HAPLN1: variants seen among roughly 807,000 people sequenced by gnomAD.
HAPLN1 encodes the protein Cartilage link protein.
In HAPLN1, 13 loss-of-function variants were observed where a neutral mutation model predicts 36.5. The ratio of observed to expected loss-of-function variants is 0.36; its 90% CI spans 0.23 to 0.57. HAPLN1 has a LOEUF of 0.57. HAPLN1 is among the 20% of genes least tolerant of loss of function. The pLI is 0.83. For missense variants in HAPLN1, 407 were observed against 439.7 expected (o/e 0.93, Z 0.66); for synonymous variants, 202 against 169.8 (o/e 1.19, Z -1.48).
At chr5:83,688,678 GGAGAATGAGTATTT>G (rs1170699454) in intron 1 of HAPLN1, among the ~76,000 whole-genome samples, 2 of 85,772 alleles carry the variant, frequency 2.3e-5, no homozygotes, top group East Asian at 7.1e-4. Flanking sequence ...TTTTCACTTT[GGAGAATGAGTATTT>G]GAGGAAAGCT....
intron 2 of HAPLN1, among the ~76,000 whole-genome samples, chr5:83,668,362 AAAGG>A (rs1440345114): frequency 6.6e-6 from 1 of 152,194 alleles, no homozygotes; most frequent in Non-Finnish European, 1.5e-5. Context: ...GATTTGAAGT[AAAGG>A]AAGGGGTTAA....
At chr5:83,695,566 T>C (rs930234910) in intron 1 of HAPLN1, among the ~76,000 whole-genome samples, 1 of 147,810 alleles carries the variant, frequency 6.8e-6, no homozygotes, top group African/African-American at 2.5e-5. Context: ...ATTGAGATGT[T>C]TATATAAATA....
chr5:83,682,951 A>T (rs976603003), intron 1 of HAPLN1, among the ~76,000 whole-genome samples: 1 of 152,160 alleles, frequency 6.6e-6, no homozygotes, highest in Admixed American at 6.6e-5. Flanking sequence ...TCATTTAATC[A>T]ACTTTCTTTA....
intron 2 of HAPLN1, among the ~76,000 whole-genome samples, chr5:83,655,400 G>A (rs1163580265): frequency 6.6e-6 from 1 of 151,738 alleles, no homozygotes; most frequent in Non-Finnish European, 1.5e-5. Flanking sequence ...AGGATGACTT[G>A]TGTGGTATAA....
At chr5:83,680,293 C>A (rs1015442320) in intron 1 of HAPLN1, among the ~76,000 whole-genome samples, 8 of 146,676 alleles carry the variant, frequency 5.5e-5, no homozygotes, top group Non-Finnish European at 1.2e-4. Context: ...CCTATCTGAG[C>A]AAAAGCACAT....
At chr5:83,715,583 T>A (rs189035056) in intron 1 of HAPLN1, among the ~76,000 whole-genome samples, 3 of 152,326 alleles carry the variant, frequency 2.0e-5, no homozygotes, top group Non-Finnish European at 4.4e-5. Context: ...AAGCACTAAA[T>A]CATTCTTGCT....
intron 3 of HAPLN1, among the ~76,000 whole-genome samples, chr5:83,647,032 A>G (rs1749897441): frequency 6.6e-6 from 1 of 152,148 alleles, no homozygotes; most frequent in South Asian, 2.1e-4. Context: ...AATTTATACT[A>G]ATTTTAAAGA....
chr5:83,641,734 A>G lies in HAPLN1; in HGVS notation c.827T>C (p.Val276Ala). The change falls in exon 5 of 5, where the codon GTG becomes GCG. Residue 276 changes from valine to alanine, a missense_variant. Val to Ala is a moderately conservative substitution (Grantham distance 64). Coordinates refer to ENST00000274341, the MANE Select transcript of HAPLN1 (RefSeq NM_001884.4). ...AGCACCATCATTGAGACAAGCTTGC[A>G]CCGCTTCATCATAGGTCAGTTTGGT... ...HPTKLTYDEA[V>A]QACLNDGAQI... 2.5e-6 allele frequency: 4 copies of G among 1,614,174 alleles called. No homozygotes were observed. The highest frequency in any genetic ancestry group is 3.4e-6 in the Non-Finnish European group (4 of 1,180,022).
At chr5:83,649,729 G>A (rs1300596452) in intron 3 of HAPLN1, among the ~76,000 whole-genome samples, 1 of 152,134 alleles carries the variant, frequency 6.6e-6, no homozygotes. Context: ...GATTACAGGC[G>A]TGAACCACCA....
chr5:83,645,477 T>TTTTTTTTTTTTTTC, intron 3 of HAPLN1, among the ~76,000 whole-genome samples: 1 of 72,046 alleles, frequency 1.4e-5, no homozygotes, highest in South Asian at 5.4e-4. Flanking sequence ...TTTTCTTTCT[T>TTTTTTTTTTTTTTC]TTTTTTTTTT....
chr5:83,642,299 A>G lies in HAPLN1; in HGVS notation c.776-514T>C, dbSNP rs557370410. ...TCAATTAGACATTATTCTCATTCAA[A>G]GACTACGTATGAAAATGCGTAAAAT... On this transcript the variant is annotated intron_variant, in intron 4 of 4. Transcript: ENST00000274341. 5.9e-5 allele frequency among the ~76,000 whole-genome samples: 9 copies of G among 152,362 alleles called. No individual in the cohort carries two copies. In the South Asian group the frequency reaches 1.9e-3, roughly 32 times the overall value.
chr5:83,698,687 A>G (rs1383833159), intron 1 of HAPLN1, among the ~76,000 whole-genome samples: 2 of 152,194 alleles, frequency 1.3e-5, no homozygotes, highest in East Asian at 3.9e-4. Context: ...TACAAACACT[A>G]TGAGGCAAAT....
intron 1 of HAPLN1, among the ~76,000 whole-genome samples, chr5:83,705,403 AAAAAAAG>A: frequency 6.6e-6 from 1 of 151,460 alleles, no homozygotes; most frequent in Admixed American, 6.6e-5. Flanking sequence ...AAAAAAAAAA[AAAAAAAG>A]AAAGAAAGAA....
intron 1 of HAPLN1, among the ~76,000 whole-genome samples, chr5:83,687,031 AT>A (rs1432387901): frequency 6.6e-6 from 1 of 152,202 alleles, no homozygotes; most frequent in East Asian, 1.9e-4. Flanking sequence ...ATTTTGGAAT[AT>A]AAAACAAAAG....
At chr5:83,657,715 A>G (rs1750260638) in intron 2 of HAPLN1, among the ~76,000 whole-genome samples, 1 of 152,066 alleles carries the variant, frequency 6.6e-6, no homozygotes, top group African/African-American at 2.4e-5. Context: ...GGATGGTGCA[A>G]GCTAGCCAGG....
chr5:83,641,592 C>T lies in HAPLN1; in HGVS notation c.969G>A (p.Arg323=), dbSNP rs752051540. 1 of 1,614,064 alleles carries T rather than the reference C, an allele frequency of 6.2e-7. No individual in the cohort carries two copies. Among genetic ancestry groups the T allele is most frequent in the African/African-American group, 1.3e-5 (1 of 74,924 alleles). The change falls in exon 5 of 5, where the codon AGG becomes AGA. Residue 323 remains arginine, a synonymous_variant. Transcript: ENST00000274341. ...SVRYPISRPR[R]RCSPTEAAVR... is the part of the protein sequence containing the mutation. ...CTGCAGCCTCAGTAGGACTGCAGCG[C>T]CTTCTTGGCCTAGAGATGGGGTAGC...
At chr5:83,696,812 C>T (rs1428566517) in intron 1 of HAPLN1, among the ~76,000 whole-genome samples, 1 of 152,140 alleles carries the variant, frequency 6.6e-6, no homozygotes, top group African/African-American at 2.4e-5. Flanking sequence ...TCATCAGTCA[C>T]TTACATTTCT....
chr5:83,690,609 T>TTA (rs1751247011), intron 1 of HAPLN1, among the ~76,000 whole-genome samples: 1 of 152,042 alleles, frequency 6.6e-6, no homozygotes, highest in South Asian at 2.1e-4. Flanking sequence ...TAAATGGGTT[T>TTA]TATATATTTA....
rs1749604729 is a variant in HAPLN1, at chr5:83,639,072, A to G, written c.*2424T>C. The stretch of plus-strand genomic sequence containing the variant: ...GTACCAACTTTCTGTTAGGAATTGT[A>G]TTAGAATAACCTTTCTTTTTCAGAC... On this transcript the variant is annotated 3_prime_UTR_variant, in exon 5 of 5. Transcript: ENST00000274341. The G allele has an allele frequency of 6.6e-6, 1 of 152,068 alleles. No individual in the cohort carries two copies. The highest frequency in any genetic ancestry group is 1.5e-5 in the Non-Finnish European group (1 of 67,910). The allele number at this position is 152,068 out of a possible 1,614,324, so 9.4% of individuals were successfully genotyped here.
Sources: allele counts gnomAD v4.1 joint callset (sites outside exome capture counted in the v4.1 genomes callset), GRCh38; gene constraint gnomAD v4.1.1; transcripts MANE v1.5; gene names NCBI Gene and HGNC (gene_info 2026-07-23, HGNC 2026-07-21).